NDUFAF6: variants seen among roughly 807,000 people sequenced by gnomAD.
The protein encoded by NDUFAF6 is NADH dehydrogenase (ubiquinone) complex I, assembly factor 6.
NDUFAF6 carries 45 observed loss-of-function variants against 40.8 expected under a neutral mutation model. The ratio of observed to expected loss-of-function variants is 1.10; its 90% CI spans 0.87 to 1.42. The LOEUF is 1.42. Ranked by LOEUF, NDUFAF6 falls within the 40% of genes most tolerant of loss-of-function variation. NDUFAF6 has a pLI of 0.00. For missense variants in NDUFAF6, 435 were observed against 418.5 expected, an observed-to-expected ratio of 1.04 and a Z score of -0.34; for synonymous variants, 185 against 155.9, an observed-to-expected ratio of 1.19 and a Z score of -1.39.
Position 95,058,296 on chromosome 8 carries a change from G to T in NDUFAF6, c.*359G>T. On this transcript the variant is annotated 3_prime_UTR_variant, in exon 9 of 9. Coordinates refer to ENST00000396124, the MANE Select transcript of NDUFAF6 (RefSeq NM_152416.4). ...CCTTCACCACTGGGGAAGGAAAGGG[G>T]AAAGGGCTCAAGTTATCATAGGGGC... The T allele has an allele frequency of 1.6e-6, 2 of 1,285,926 alleles. No individual in the cohort carries two copies. Among genetic ancestry groups the T allele is most frequent in the Admixed American group, 3.7e-5 (1 of 27,106 alleles). The allele number at this position is 1,285,926 out of a possible 1,614,324, so 79.7% of individuals were successfully genotyped here.
downstream of NDUFAF6, among the ~76,000 whole-genome samples, chr8:95,107,132 G>T (rs1179230032): frequency 6.6e-6 from 1 of 152,110 alleles, no homozygotes; most frequent in Non-Finnish European, 1.5e-5. Context: ...CCCATTACTG[G>T]GTATATACCC....
At chr8:94,910,597 G>A (rs1261802634) in intron 1 of NDUFAF6, among the ~76,000 whole-genome samples, 1 of 152,196 alleles carries the variant, frequency 6.6e-6, no homozygotes, top group Non-Finnish European at 1.5e-5. Context: ...CTTCTGTCCA[G>A]TGGGAATGAC....
chr8:94,973,316 A>AT (rs1554645133), intron 1 of NDUFAF6, among the ~76,000 whole-genome samples: 3 of 151,854 alleles, frequency 2.0e-5, no homozygotes, highest in Non-Finnish European at 4.4e-5. Context: ...TTCTGTCTCA[A>AT]AAAATAAAAT....
At chr8:95,029,196 A>G (rs994345230) in intron 1 of NDUFAF6, among the ~76,000 whole-genome samples, 16 of 152,234 alleles carry the variant, frequency 1.1e-4, no homozygotes, top group African/African-American at 3.4e-4. Context: ...TTGTTTTATA[A>G]GAAGGTTCCA....
intron 5 of NDUFAF6, among the ~76,000 whole-genome samples, chr8:95,046,129 C>T (rs941212704): frequency 1.3e-5 from 2 of 151,886 alleles, no homozygotes; most frequent in South Asian, 2.1e-4. Context: ...GGCTCAATCT[C>T]GGCTCACTGC....
chr8:95,043,508 AT>A (rs1464142602), intron 4 of NDUFAF6, among the ~76,000 whole-genome samples: 2 of 152,066 alleles, frequency 1.3e-5, no homozygotes. Flanking sequence ...ATTATCTAAA[AT>A]ATGCAAGAAA....
rs147447585 is a variant in NDUFAF6 at position 95,019,245 on chromosome 8, A to G, written c.-83-12750A>G. Among the ~76,000 whole-genome samples the G allele has an allele frequency of 5.8e-3, 882 of 152,326 alleles. 4 individuals carry two copies. The highest frequency in any genetic ancestry group is 0.02 in the African/African-American group (825 of 41,572). On this transcript the variant is annotated intron_variant, in intron 2 of 9. Coordinates refer to the NDUFAF6 transcript ENST00000396111. ...AGGCTGTCTCAAACTCCTGGCCTCA[A>G]GTGATCTGCCTGCCTTGGCCTCCCA...
At chr8:95,105,670 T>G (rs1364482185), downstream of NDUFAF6, among the ~76,000 whole-genome samples, 1 of 152,050 alleles carries the variant, frequency 6.6e-6, no homozygotes, top group Non-Finnish European at 1.5e-5. Flanking sequence ...TTCAGCTAAT[T>G]TTTTGTATTT....
chr8:94,986,133 A>G (rs892492511), intron 2 of NDUFAF6, among the ~76,000 whole-genome samples: 1 of 152,166 alleles, frequency 6.6e-6, no homozygotes, highest in Non-Finnish European at 1.5e-5. Context: ...TCAGCCTCCC[A>G]AAGTGCTAGG....
At chr8:94,959,234 A>G (rs1482739220) in intron 1 of NDUFAF6, among the ~76,000 whole-genome samples, 1 of 152,178 alleles carries the variant, frequency 6.6e-6, no homozygotes, top group Non-Finnish European at 1.5e-5. Context: ...ACCAAGCTGC[A>G]TTTCAATTCC....
intron 1 of NDUFAF6, among the ~76,000 whole-genome samples, chr8:94,934,239 A>G (rs1447455731): frequency 6.6e-6 from 1 of 151,584 alleles, no homozygotes; most frequent in Non-Finnish European, 1.5e-5. Flanking sequence ...CAATTTTTGC[A>G]TATTTGTATT....
At chr8:95,074,644 G>A (rs1227945209) in intron 9 of NDUFAF6, among the ~76,000 whole-genome samples, 2 of 152,120 alleles carry the variant, frequency 1.3e-5, no homozygotes, top group Non-Finnish European at 1.5e-5. Flanking sequence ...TAGCCATTTT[G>A]ACTTCCCCCT....
chr8:94,955,531 C>T (rs539699363), upstream of NDUFAF6, among the ~76,000 whole-genome samples: 2 of 152,296 alleles, frequency 1.3e-5, no homozygotes, highest in East Asian at 1.9e-4. Flanking sequence ...TTGGGGAACA[C>T]GTTCAAACTA....
chr8:94,957,422 C>T (rs950405810), upstream of NDUFAF6, among the ~76,000 whole-genome samples: 1 of 152,034 alleles, frequency 6.6e-6, no homozygotes, highest in Non-Finnish European at 1.5e-5. Context: ...AGGGCTCTGA[C>T]ATTTAGAAGA....
intron 2 of NDUFAF6, among the ~76,000 whole-genome samples, chr8:94,997,073 A>C (rs1175980825): frequency 6.6e-6 from 1 of 152,188 alleles, no homozygotes; most frequent in Admixed American, 6.6e-5. Context: ...TTGGAAAAGA[A>C]CTTATGTTCA....
intron 2 of NDUFAF6, among the ~76,000 whole-genome samples, chr8:95,101,698 G>C (rs1319482929): frequency 6.6e-6 from 1 of 152,154 alleles, no homozygotes; most frequent in African/African-American, 2.4e-5. Context: ...CTCTTCCTAG[G>C]TAAACATTTC....
In NDUFAF6 at chr8:95,034,458, G is replaced by A. The variant is rs140875039; in HGVS notation, c.298-996G>A. Among the ~76,000 whole-genome samples the A allele has an allele frequency of 4.8e-4, 73 of 152,148 alleles. 1 individual carries two copies. In the East Asian group the frequency reaches 0.012, roughly 26 times the overall value. ...CCCCTTCTGTATGGGATCTAATCTA[G>A]GATCATGTATTACATTTAGTTTTCT... On this transcript the variant is annotated intron_variant, in intron 2 of 8. Coordinates refer to ENST00000396124, the MANE Select transcript of NDUFAF6 (RefSeq NM_152416.4).
At position 95,052,235 on chromosome 8, in the gene NDUFAF6, G is replaced by A. The variant is rs766571293; in HGVS notation, c.873+5G>A. On this transcript the variant is annotated splice_donor_5th_base_variant and intron_variant, in intron 8 of 8. Coordinates refer to ENST00000396124, the MANE Select transcript of NDUFAF6 (RefSeq NM_152416.4). ...TTTCCTGCTTTTCTTCAGACGGTAA[G>A]TAGATTAACAGAGAAGGCTGTATAA... The A allele has an allele frequency of 1.2e-6, 2 of 1,613,598 alleles. No individual in the cohort carries two copies. The highest frequency in any genetic ancestry group is 1.1e-5 in the South Asian group (1 of 91,074).
intron 1 of NDUFAF6, chr8:94,927,199 C>G (rs1265456565): frequency 6.6e-6 from 1 of 152,468 alleles, no homozygotes; most frequent in African/African-American, 2.4e-5. Context: ...GTTTCCAACT[C>G]AGAGAAAATG....
Sources: allele counts gnomAD v4.1 joint callset (sites outside exome capture counted in the v4.1 genomes callset), GRCh38; gene constraint gnomAD v4.1.1; transcripts MANE v1.5; gene names NCBI Gene and HGNC (gene_info 2026-07-23, HGNC 2026-07-21).